RBM6: variants seen among roughly 807,000 people sequenced by gnomAD.
RBM6 encodes the protein RNA-binding protein 6.
A neutral mutation model predicts 140.4 loss-of-function variants in RBM6; 23 were observed. The observed-to-expected ratio is 0.16, with a 90% confidence interval of 0.12 to 0.23. RBM6 has a LOEUF of 0.23. Ranked by LOEUF, RBM6 falls within the 10% of genes least tolerant of loss-of-function variation. The pLI, the probability that RBM6 is intolerant of heterozygous loss-of-function variation, is 1.00. For synonymous variants in RBM6, 439 were observed against 475.6 expected (o/e 0.92, Z 1.00); for missense variants, 1,139 against 1,386.7 (o/e 0.82, Z 2.84).
chr3:49,971,649 C>T (rs560752836), intron 3 of RBM6, among the ~76,000 whole-genome samples: 38 of 151,956 alleles, frequency 2.5e-4, no homozygotes, highest in Non-Finnish European at 4.3e-4. Context: ...GTGATTCTTC[C>T]GCCTCAGCCT....
In RBM6 at chr3:49,962,684, C is replaced by A; in HGVS notation, c.43C>A (p.Arg15Ser). The change falls in exon 2 of 21, where the codon CGT (arginine) becomes AGT (serine). Residue 15 changes from arginine to serine, a missense_variant and splice_region_variant. Around this residue, in one of 9 missense-constraint regions of RBM6, gnomAD observed 566 missense variants for 612.7 expected, o/e 0.92. Transcript: ENST00000266022. Reference sequence around the variant, plus strand: ...ACCTGCTAACAGAACTGGACCTTTTCGGTAAGTTCTCAAATTTGAATATTG... The same window carrying A: ...ACCTGCTAACAGAACTGGACCTTTTAGGTAAGTTCTCAAATTTGAATATTG... ...SRPANRTGPFRGSQEERFAPG... is the reference protein window; with the variant it reads ...SRPANRTGPFSGSQEERFAPG... 1 of 1,569,292 alleles carries A rather than the reference C, an allele frequency of 6.4e-7. No individual in the cohort carries two copies. Among genetic ancestry groups the A allele is most frequent in the South Asian group, 1.2e-5 (1 of 82,242 alleles).
chr3:50,061,393 C>A, intron 13 of RBM6, 69 bp from the exon 14 acceptor site: 1 of 1,580,344 alleles, frequency 6.3e-7, no homozygotes, highest in Non-Finnish European at 8.6e-7. Context: ...TTCTTGGGTT[C>A]TTGATGAGTC....
chr3:50,037,362 C>T (rs566010547), intron 6 of RBM6, among the ~76,000 whole-genome samples: 1 of 152,264 alleles, frequency 6.6e-6, no homozygotes, highest in South Asian at 2.1e-4. Flanking sequence ...GATCATACAA[C>T]ACCAGTGCAC....
At chr3:50,071,945 G>A (rs569784539) in intron 19 of RBM6, among the ~76,000 whole-genome samples, 49 of 151,642 alleles carry the variant, frequency 3.2e-4, no homozygotes, top group Non-Finnish European at 6.0e-4. Context: ...TTAGCTGGGC[G>A]CTGTGGCAGG....
chr3:50,076,862 C>T (rs1051522752), intron 20 of RBM6, 146 bp from the exon 21 acceptor site: 12 of 703,482 alleles, frequency 1.7e-5, no homozygotes, highest in South Asian at 6.1e-5. Flanking sequence ...CTAGCCCGGG[C>T]GACAGAGCAT....
chr3:49,973,773 A>G (rs1348745147), intron 4 of RBM6, among the ~76,000 whole-genome samples: 1 of 151,542 alleles, frequency 6.6e-6, no homozygotes, highest in Non-Finnish European at 1.5e-5. Context: ...TTTAGTAGAG[A>G]TGGGGTTTCA....
At position 50,077,127 on chromosome 3, in the gene RBM6, C is replaced by T. The variant is rs149053073; in HGVS notation, c.3366C>T (p.Leu1122=). The T allele has an allele frequency of 1.5e-4, 243 of 1,608,874 alleles. No individual in the cohort carries two copies. The highest frequency in any genetic ancestry group is 1.9e-4 in the Non-Finnish European group (222 of 1,178,328). Residue 1122 remains leucine, a synonymous_variant, in exon 21 of 21, where the codon CTC becomes CTT. Transcript: ENST00000266022. The part of the protein sequence containing the change: ...RRVMFARYKE[L]D ...TCATGTTTGCTCGATATAAAGAACTCGATTAAGAAAGGAGACAAGTTCCAT... is the reference window on the plus strand; with the variant it reads ...TCATGTTTGCTCGATATAAAGAACTTGATTAAGAAAGGAGACAAGTTCCAT...
intron 1 of RBM6, among the ~76,000 whole-genome samples, chr3:49,952,309 A>G (rs914171811): frequency 2.9e-4 from 44 of 151,452 alleles, no homozygotes; most frequent in African/African-American, 1.0e-3. Flanking sequence ...GATTACAGGC[A>G]TGAGCCACTG....
Position 49,967,203 on chromosome 3 carries a change from G to C in RBM6, c.45-267G>C, listed in dbSNP as rs144975239. ...GCGGATTTTCCCTGTTGCAGGACTG[G>C]GTGAAAGCTTTTTCTGCAGCAGTCA... is the stretch of plus-strand genomic sequence containing the variant. On this transcript the variant is annotated intron_variant, in intron 2 of 20. Coordinates refer to ENST00000266022, the MANE Select transcript of RBM6 (RefSeq NM_005777.3). The surrounding 1 kb of genome is among the most constrained non-coding windows in gnomAD (Gnocchi z 4.0). 1.5e-5 allele frequency: 18 copies of C among 1,225,336 alleles called. No homozygotes were observed. The African/African-American group carries it at 2.7e-4, about 19-fold the overall frequency. 75.9% of individuals were successfully genotyped at this position (1,225,336 alleles called of 1,614,324 possible).
intron 1 of RBM6, among the ~76,000 whole-genome samples, chr3:49,958,949 C>T (rs1648471865): frequency 6.6e-6 from 1 of 151,872 alleles, no homozygotes; most frequent in African/African-American, 2.4e-5. Flanking sequence ...GTGCCTGCTA[C>T]TGCACCTGGC....
intron 6 of RBM6, among the ~76,000 whole-genome samples, chr3:50,004,515 A>C (rs1262969868): frequency 1.4e-5 from 2 of 143,524 alleles, no homozygotes; most frequent in African/African-American, 5.3e-5. Context: ...GTTTTGCAAC[A>C]TTCCCCAGGC....
intron 5 of RBM6, among the ~76,000 whole-genome samples, chr3:49,978,872 A>G (rs2085176168): frequency 6.6e-6 from 1 of 152,226 alleles, no homozygotes; most frequent in South Asian, 2.1e-4. Flanking sequence ...CAAATACATT[A>G]TAACCCCATG....
intron 5 of RBM6, among the ~76,000 whole-genome samples, chr3:49,984,383 G>A (rs1002864676): frequency 2.0e-5 from 3 of 152,172 alleles, no homozygotes; most frequent in African/African-American, 7.2e-5. Flanking sequence ...GAGATGGGTG[G>A]ATCACTTGAG....
chr3:50,075,027 G>A (rs2108961502), intron 19 of RBM6, 174 bp from the exon 20 acceptor site: 3 of 669,480 alleles, frequency 4.5e-6, no homozygotes, highest in East Asian at 5.8e-5. Flanking sequence ...GTGGTGGCGG[G>A]CACCTGCAAT....
At chr3:50,025,371 T>A (rs1218449949) in intron 6 of RBM6, among the ~76,000 whole-genome samples, 1 of 149,666 alleles carries the variant, frequency 6.7e-6, no homozygotes, top group Admixed American at 6.7e-5. Context: ...TGCAGTGAGC[T>A]GAGATCACAC....
chr3:50,070,640 C>A, intron 19 of RBM6, 88 bp downstream of exon 19: 1 of 942,614 alleles, frequency 1.1e-6, no homozygotes, highest in Non-Finnish European at 1.7e-6. Flanking sequence ...TTTTCTGTCT[C>A]AGGGAGATGA....
At chr3:50,012,184 G>A (rs985700710) in intron 6 of RBM6, among the ~76,000 whole-genome samples, 3 of 151,758 alleles carry the variant, frequency 2.0e-5, no homozygotes, top group South Asian at 2.1e-4. Context: ...TCGGATCCCC[G>A]TTTGGGGATA....
intron 16 of RBM6, 99 bp from the exon 17 acceptor site, chr3:50,066,143 C>T (rs2090112703): frequency 1.5e-6 from 2 of 1,306,676 alleles, no homozygotes; most frequent in Non-Finnish European, 2.1e-6. Flanking sequence ...ATTTTGAACC[C>T]AATTCAATGA....
In RBM6 at chr3:49,968,606, T is replaced by A. The variant is rs768216335; in HGVS notation, c.1181T>A (p.Leu394His). Reference sequence around the variant, plus strand: ...AAAGAAGAAGGCGGTCTGGACTTTCTTGGGCGGCAAGACACCGATTACAGA... The same window carrying A: ...AAAGAAGAAGGCGGTCTGGACTTTCATGGGCGGCAAGACACCGATTACAGA... ...LFKEEGGLDF[L>H]GRQDTDYRSM... The change falls in exon 3 of 21, where the codon CTT becomes CAT. Residue 394 changes from leucine to histidine, a missense_variant. Around this residue, in one of 9 missense-constraint regions of RBM6, gnomAD observed 566 missense variants for 612.7 expected, o/e 0.92. Transcript: ENST00000266022. The A allele has an allele frequency of 1.2e-6, 2 of 1,613,970 alleles. No individual in the cohort carries two copies. The highest frequency in any genetic ancestry group is 1.7e-6 in the Non-Finnish European group (2 of 1,180,024).
Sources: gnomAD v4.1 joint callset for allele counts (sites outside exome capture counted in the v4.1 genomes callset) on GRCh38, gnomAD v4.1.1 for gene constraint, gnomAD v4.1.1 regional missense constraint, Gnocchi (gnomAD v3.1) non-coding constraint, MANE v1.5 for transcripts, NCBI Gene and HGNC (gene_info 2026-07-23, HGNC 2026-07-21) for gene names.